The following GALNTL6 variants were observed in gnomAD, a reference collection of about 807,000 sequenced individuals.
GALNTL6 encodes the protein polypeptide N-acetylgalactosaminyltransferase-like 6.
GALNTL6 carries 46 observed loss-of-function variants against 73.7 expected under a neutral mutation model. That is an observed-to-expected ratio of 0.62 (90% CI 0.49 to 0.80). The LOEUF is 0.80. GALNTL6 is among the 30% of genes least tolerant of loss of function. The probability of loss-of-function intolerance (pLI) is 0.00; values close to 1 mark genes in which losing one functional copy is unlikely to be tolerated. For missense variants in GALNTL6, 604 were observed against 755.0 expected (o/e 0.80, Z 2.34); for synonymous variants, 259 against 263.7 (o/e 0.98, Z 0.17).
At chr4:172,383,153 A>G (rs980635606) in intron 5 of GALNTL6, among the ~76,000 whole-genome samples, 2 of 151,992 alleles carry the variant, frequency 1.3e-5, no homozygotes, top group Non-Finnish European at 2.9e-5. Flanking sequence ...CAGCTTGTCA[A>G]TTTTTTTAGA....
intron 5 of GALNTL6, among the ~76,000 whole-genome samples, chr4:172,498,085 G>A (rs1734130696): frequency 6.9e-6 from 1 of 144,134 alleles, no homozygotes; most frequent in South Asian, 2.1e-4. Flanking sequence ...CCGCCTCCCA[G>A]GTTCCAGCGA....
chr4:172,749,480 G>A (rs1737303756), intron 5 of GALNTL6, among the ~76,000 whole-genome samples: 1 of 151,838 alleles, frequency 6.6e-6, no homozygotes, highest in Non-Finnish European at 1.5e-5. Context: ...AAATTACTAA[G>A]TTTTTATATG....
intron 2 of GALNTL6, among the ~76,000 whole-genome samples, chr4:172,019,949 T>C (rs1741344930): frequency 6.6e-6 from 1 of 152,060 alleles, no homozygotes; most frequent in Non-Finnish European, 1.5e-5. Context: ...CATTCAAACA[T>C]TGAAATAATA....
chr4:172,625,009 G>T (rs1227570002), intron 5 of GALNTL6, among the ~76,000 whole-genome samples: 1 of 151,706 alleles, frequency 6.6e-6, no homozygotes, highest in Non-Finnish European at 1.5e-5. Flanking sequence ...ACTACTTTTG[G>T]TTTCGTTGAT....
chr4:172,092,918 C>T (rs578060827), intron 2 of GALNTL6, among the ~76,000 whole-genome samples: 76 of 147,190 alleles, frequency 5.2e-4, no homozygotes, highest in African/African-American at 1.8e-3. Flanking sequence ...TCTGTCACCA[C>T]GCTACAGTGC....
At chr4:172,124,249 C>T (rs557555548) in intron 2 of GALNTL6, among the ~76,000 whole-genome samples, 2 of 152,302 alleles carry the variant, frequency 1.3e-5, no homozygotes, top group Admixed American at 1.3e-4. Context: ...TAACTAGCAT[C>T]ACTTACCATT....
intron 2 of GALNTL6, among the ~76,000 whole-genome samples, chr4:172,028,190 A>G (rs964839045): frequency 6.6e-5 from 10 of 152,118 alleles, no homozygotes; most frequent in Non-Finnish European, 1.5e-4. Flanking sequence ...TAGTGATGAT[A>G]TAGAAACTAC....
At chr4:172,431,520 G>A (rs967565961) in intron 5 of GALNTL6, among the ~76,000 whole-genome samples, 2 of 152,040 alleles carry the variant, frequency 1.3e-5, no homozygotes, top group African/African-American at 4.8e-5. Flanking sequence ...TGTGTGTAAT[G>A]TATGTATAAG....
At chr4:171,850,791 T>G (rs1339339650) in intron 2 of GALNTL6, among the ~76,000 whole-genome samples, 1 of 152,118 alleles carries the variant, frequency 6.6e-6, no homozygotes. Flanking sequence ...TTTTAAGGTT[T>G]TTCTGGGGTT....
At chr4:172,088,462 C>T (rs1052624898) in intron 2 of GALNTL6, among the ~76,000 whole-genome samples, 17 of 152,082 alleles carry the variant, frequency 1.1e-4, no homozygotes, top group Admixed American at 8.5e-4. Context: ...ATGTGTATAA[C>T]GCCTTCTTCA....
intron 5 of GALNTL6, among the ~76,000 whole-genome samples, chr4:172,735,155 C>T (rs1053674100): frequency 1.3e-5 from 2 of 152,116 alleles, no homozygotes; most frequent in African/African-American, 2.4e-5. Flanking sequence ...ACAGCTTGCA[C>T]TATGCACCTG....
At chr4:172,916,230 A>G (rs1451657751) in intron 8 of GALNTL6, among the ~76,000 whole-genome samples, 1 of 152,228 alleles carries the variant, frequency 6.6e-6, no homozygotes, top group Admixed American at 6.5e-5. Flanking sequence ...TAAACTAGGT[A>G]TTGATGGGAC....
intron 8 of GALNTL6, among the ~76,000 whole-genome samples, chr4:172,916,234 A>G (rs1352318969): frequency 6.6e-6 from 1 of 152,246 alleles, no homozygotes; most frequent in Admixed American, 6.5e-5. Flanking sequence ...CTAGGTATTG[A>G]TGGGACGTAT....
chr4:172,633,767 G>T (rs574342914), intron 5 of GALNTL6, among the ~76,000 whole-genome samples: 3 of 152,302 alleles, frequency 2.0e-5, no homozygotes, highest in East Asian at 3.9e-4. Flanking sequence ...ATCCCCATGT[G>T]TCAAGGACAG....
At chr4:172,680,792 G>A (rs1443301003) in intron 5 of GALNTL6, among the ~76,000 whole-genome samples, 1 of 152,184 alleles carries the variant, frequency 6.6e-6, no homozygotes, top group Admixed American at 6.5e-5. Flanking sequence ...TGTCAAAACA[G>A]ATATTTTATG....
chr4:172,147,972 A>T (rs1263747740), intron 2 of GALNTL6, among the ~76,000 whole-genome samples: 1 of 152,144 alleles, frequency 6.6e-6, no homozygotes, highest in Non-Finnish European at 1.5e-5. Flanking sequence ...TTTATTACTT[A>T]TAAGAAACGT....
intron 5 of GALNTL6, among the ~76,000 whole-genome samples, chr4:172,762,211 A>C (rs1738150699): frequency 6.6e-6 from 1 of 152,252 alleles, no homozygotes. Flanking sequence ...GTACTTGAGC[A>C]GCAATGTTGC....
At chr4:171,867,375 C>T (rs1735998276) in intron 2 of GALNTL6, among the ~76,000 whole-genome samples, 1 of 152,200 alleles carries the variant, frequency 6.6e-6, no homozygotes, top group Non-Finnish European at 1.5e-5. Context: ...TTAGAGCACA[C>T]TTTCTTATCT....
intron 5 of GALNTL6, among the ~76,000 whole-genome samples, chr4:172,806,730 T>C (rs1740984570): frequency 6.6e-6 from 1 of 152,114 alleles, no homozygotes; most frequent in South Asian, 2.1e-4. Flanking sequence ...GGGAAAAACA[T>C]ATTTTAGTGG....
Sources: allele counts gnomAD v4.1 joint callset (sites outside exome capture counted in the v4.1 genomes callset), GRCh38; gene constraint gnomAD v4.1.1; transcripts MANE v1.5; gene names NCBI Gene and HGNC (gene_info 2026-07-23, HGNC 2026-07-21).